The following GABRP variants were observed in gnomAD, a reference collection of about 807,000 sequenced individuals.
The protein encoded by GABRP is gamma-aminobutyric acid type A receptor subunit pi.
In GABRP, 52 loss-of-function variants were observed where a neutral mutation model predicts 47.8. That is an observed-to-expected ratio of 1.09 (90% confidence interval 0.87 to 1.37). The LOEUF (loss-of-function observed/expected upper bound fraction) is 1.37. GABRP is among the 40% of genes most tolerant of loss of function. GABRP has a pLI of 0.00. For missense variants in GABRP, 525 were observed against 542.8 expected, an observed-to-expected ratio of 0.97 and a Z score of 0.33; for synonymous variants, 221 against 205.8, an observed-to-expected ratio of 1.07 and a Z score of -0.63.
intron 8 of GABRP, 139 bp from the exon 9 acceptor site, chr5:170,809,429 C>T (rs1765823622): frequency 2.6e-6 from 2 of 774,558 alleles, no homozygotes; most frequent in African/African-American, 1.7e-5. Flanking sequence ...TAGAAGGTCG[C>T]AGACTTTTCA....
intron 6 of GABRP, among the ~76,000 whole-genome samples, chr5:170,801,104 A>G (rs963985633): frequency 6.6e-6 from 1 of 152,194 alleles, no homozygotes; most frequent in Non-Finnish European, 1.5e-5. Context: ...CAGATAGAGA[A>G]ATTGAGGTTC....
intron 8 of GABRP, among the ~76,000 whole-genome samples, chr5:170,809,231 C>T (rs1765818799): frequency 6.6e-6 from 1 of 152,156 alleles, no homozygotes. Context: ...GCCACTATGC[C>T]CTGCCAGGAG....
chr5:170,804,025 C>T (rs1765662188), intron 6 of GABRP, among the ~76,000 whole-genome samples: 1 of 152,160 alleles, frequency 6.6e-6, no homozygotes, highest in Non-Finnish European at 1.5e-5. Flanking sequence ...GCCTCAGCCT[C>T]CCAAAGTGCT....
intron 9 of GABRP, among the ~76,000 whole-genome samples, chr5:170,811,588 A>G (rs1765884178): frequency 1.3e-5 from 2 of 152,206 alleles, no homozygotes; most frequent in Admixed American, 1.3e-4. Context: ...AGGCGAGGAA[A>G]TAAAGTCTTG....
At chr5:170,791,151 G>T (rs1237853446) in intron 3 of GABRP, among the ~76,000 whole-genome samples, 3 of 152,222 alleles carry the variant, frequency 2.0e-5, no homozygotes, top group African/African-American at 7.2e-5. Flanking sequence ...CCAACAAGGT[G>T]CAGGGTCCTT....
In GABRP at chr5:170,812,360, C is replaced by A; in HGVS notation, c.*102C>A. Reference sequence around the variant, plus strand: ...TGTGCACCCACATCCAATGGTGCTACAAGTGACTGAAATAATATTTGAGTC... The same window carrying A: ...TGTGCACCCACATCCAATGGTGCTAAAAGTGACTGAAATAATATTTGAGTC... On this transcript the variant is annotated 3_prime_UTR_variant, in exon 10 of 10. Coordinates refer to ENST00000265294, the MANE Select transcript of GABRP (RefSeq NM_014211.3). The A allele has an allele frequency of 2.3e-6, 2 of 852,768 alleles. No individual in the cohort carries two copies. Among genetic ancestry groups the A allele is most frequent in the Non-Finnish European group, 3.7e-6 (2 of 541,940 alleles). 52.8% of individuals were successfully genotyped at this position (852,768 alleles called of 1,614,324 possible). A position where few individuals can be genotyped will look rare whatever the true frequency, so the allele number is the denominator to read the frequency against.
At chr5:170,810,905 G>C (rs1765866213) in intron 9 of GABRP, among the ~76,000 whole-genome samples, 1 of 151,754 alleles carries the variant, frequency 6.6e-6, no homozygotes, top group Admixed American at 6.6e-5. Context: ...TCCTTATGAG[G>C]GAGGAAGGAA....
At chr5:170,795,458 G>A in intron 5 of GABRP, 33 bp downstream of exon 5, 1 of 1,563,390 alleles carries the variant, frequency 6.4e-7, no homozygotes, top group Non-Finnish European at 8.8e-7. Context: ...AGGGGTGGAG[G>A]ACGGCAGCTG....
rs1765183286 is a variant in GABRP, at chr5:170,788,561, C to G, written c.-42-13C>G. The G allele has an allele frequency of 6.3e-7, 1 of 1,588,604 alleles. No homozygotes were observed. The highest frequency in any genetic ancestry group is 8.6e-7 in the Non-Finnish European group (1 of 1,157,432). ...TGCACGGCCTTCCACTTACCTTGCC[C>G]CCTGTTTCCCAGGTGATTCCTACTT... On this transcript the variant is annotated splice_polypyrimidine_tract_variant and intron_variant, in intron 1 of 9. Coordinates refer to ENST00000265294, the MANE Select transcript of GABRP (RefSeq NM_014211.3).
In GABRP at chr5:170,809,738, A is replaced by G. The variant is rs1765833335; in HGVS notation, c.1003A>G (p.Met335Val). 6.3e-7 allele frequency: 1 copy of G among 1,596,650 alleles called. No individual in the cohort carries two copies. Among genetic ancestry groups the G allele is most frequent in the Non-Finnish European group, 8.5e-7 (1 of 1,171,666 alleles). Reference sequence around the variant, plus strand: ...TGCTCACTACAGTTCCTTACAGCAGATGGCAGCCAAAGATAGGGTAAGAGT... The same window carrying G: ...TGCTCACTACAGTTCCTTACAGCAGGTGGCAGCCAAAGATAGGGTAAGAGT... ...AVAHYSSLQQ[M>V]AAKDRGTTKE... The change falls in exon 9 of 10, where the codon ATG (methionine) becomes GTG (valine). Residue 335 changes from methionine (M) to valine (V), a missense_variant. Coordinates refer to ENST00000265294, the MANE Select transcript of GABRP (RefSeq NM_014211.3).
chr5:170,796,315 A>G (rs1765424071), intron 5 of GABRP, among the ~76,000 whole-genome samples: 1 of 152,198 alleles, frequency 6.6e-6, no homozygotes, highest in Non-Finnish European at 1.5e-5. Flanking sequence ...TTTGACCTCA[A>G]TTCCAATCAT....
rs1203819521 is a variant in GABRP at position 170,813,898 on chromosome 5, TG to T, written c.*1641del. The T allele has an allele frequency of 2.0e-5, 3 of 152,164 alleles. No homozygotes were observed. Among genetic ancestry groups the T allele is most frequent in the African/African-American group, 7.2e-5 (3 of 41,442 alleles). The allele number at this position is 152,164 out of a possible 1,614,324, so 9.4% of individuals were successfully genotyped here. A position where few individuals can be genotyped will look rare whatever the true frequency, so the allele number is the denominator to read the frequency against. On this transcript the variant is annotated 3_prime_UTR_variant, in exon 10 of 10. Transcript: ENST00000265294. The stretch of plus-strand genomic sequence containing the variant: ...CTGGTGAAAAGAGGTGAAATGTGGT[TG>T]TATGAGCCAATCATATTTGTGATTT...
intron 6 of GABRP, among the ~76,000 whole-genome samples, chr5:170,805,119 A>G (rs919225196): frequency 6.6e-6 from 1 of 150,956 alleles, no homozygotes; most frequent in African/African-American, 2.4e-5. Context: ...GAAATATAGA[A>G]ATGGCTACCT....
chr5:170,799,277 T>C (rs961141499), intron 6 of GABRP, among the ~76,000 whole-genome samples: 2 of 152,216 alleles, frequency 1.3e-5, no homozygotes, highest in Admixed American at 1.3e-4. Flanking sequence ...ATGATTTATA[T>C]TCCTTTGTGT....
chr5:170,789,048 G>A, intron 2 of GABRP, 81 bp from the exon 3 acceptor site: 3 of 1,078,484 alleles, frequency 2.8e-6, no homozygotes, highest in South Asian at 2.8e-5. Context: ...ACACACGTGG[G>A]CAAACACAAG....
In GABRP at chr5:170,797,485, T is replaced by C. The variant is rs749492184; in HGVS notation, c.478T>C (p.Cys160Arg). The C allele has an allele frequency of 1.2e-6, 2 of 1,611,920 alleles. No individual in the cohort carries two copies. The highest frequency in any genetic ancestry group is 1.7e-6 in the Non-Finnish European group (2 of 1,177,984). Reference protein sequence around the residue: ...YALRITTTVACNMDLSKYPMD... With the variant: ...YALRITTTVARNMDLSKYPMD... ...TCTTAGAATCACGACAACTGTTGCA[T>C]GTAACATGGATCTGTCTAAATACCC... The change falls in exon 6 of 10, where the codon TGT (cysteine) becomes CGT (arginine). Residue 160 changes from cysteine to arginine, a missense_variant. Physicochemically the swap from Cys to Arg is radical, Grantham distance 180. Coordinates refer to ENST00000265294, the MANE Select transcript of GABRP (RefSeq NM_014211.3).
chr5:170,788,459 C>T, intron 1 of GABRP, 115 bp from the exon 2 acceptor site: 1 of 649,402 alleles, frequency 1.5e-6, no homozygotes, highest in East Asian at 2.7e-5. Context: ...AAAGAGGCTG[C>T]TTCCTATGCA....
At position 170,788,678 on chromosome 5, in the gene GABRP, G is replaced by T. The variant is rs753045697; in HGVS notation, c.53+10G>T. ...GTCTCTTCACTGAGAGGTGAGCTTT[G>T]CTACCCCCAGAATGGCCTCCATCTG... On this transcript the variant is annotated intron_variant, in intron 2 of 9. Transcript: ENST00000265294. The T allele has an allele frequency of 6.2e-7, 1 of 1,613,756 alleles. No individual in the cohort carries two copies. The highest frequency in any genetic ancestry group is 8.5e-7 in the Non-Finnish European group (1 of 1,179,758).
In GABRP at chr5:170,805,721, T is replaced by C; in HGVS notation, c.547T>C (p.Tyr183His). Residue 183 changes from tyrosine (Y) to histidine (H), a missense_variant, in exon 7 of 10, where the codon TAT becomes CAT. By Grantham distance (83) the Tyr-to-His change is moderately conservative (BLOSUM62 2). Transcript: ENST00000265294. ...GGCTCCATTTTATTTGCCAGGGGGC[T>C]ATGATGGAAATGATGTGGAGTTCAC... ...TCKLQLESWG[Y>H]DGNDVEFTWL... 1 of 1,614,158 alleles carries C rather than the reference T, an allele frequency of 6.2e-7. No homozygotes were observed. The highest frequency in any genetic ancestry group is 1.1e-5 in the South Asian group (1 of 91,074).
Sources: gnomAD v4.1 joint callset for allele counts (sites outside exome capture counted in the v4.1 genomes callset) on GRCh38, gnomAD v4.1.1 for gene constraint, MANE v1.5 for transcripts, NCBI Gene and HGNC (gene_info 2026-07-23, HGNC 2026-07-21) for gene names.